The following PLEK variants were observed in gnomAD, a reference collection of about 807,000 sequenced individuals.
The protein encoded by PLEK is platelet 47 kDa protein.
Under a neutral mutation model 43.9 loss-of-function variants are expected in PLEK, and 25 were observed. The observed-to-expected ratio is 0.57, with a 90% CI of 0.41 to 0.79. PLEK has a LOEUF of 0.79. Ranked by LOEUF, PLEK falls within the 30% of genes least tolerant of loss-of-function variation. PLEK has a pLI of 0.00. For synonymous variants in PLEK, 152 were observed against 144.4 expected, an observed-to-expected ratio of 1.05 and a Z score of -0.38; for missense variants, 396 against 413.3, an observed-to-expected ratio of 0.96 and a Z score of 0.36.
At chr2:68,375,769 T>C (rs1374400521) in intron 1 of PLEK, among the ~76,000 whole-genome samples, 3 of 152,204 alleles carry the variant, frequency 2.0e-5, no homozygotes, top group Admixed American at 6.5e-5. Context: ...TTTGTGGTAG[T>C]CATGACAGGG....
chr2:68,365,912 T>A (rs973557972), intron 1 of PLEK, among the ~76,000 whole-genome samples: 4 of 152,236 alleles, frequency 2.6e-5, no homozygotes, highest in Admixed American at 6.5e-5. Flanking sequence ...TATCTTTTTT[T>A]AATTGGGCTG....
At chr2:68,366,873 AC>A (rs1402544572) in intron 1 of PLEK, among the ~76,000 whole-genome samples, 1 of 152,196 alleles carries the variant, frequency 6.6e-6, no homozygotes, top group East Asian at 1.9e-4. Context: ...GTTTTTTTAA[AC>A]AATTAAAAAC....
At chr2:68,392,613 C>T (rs921009981) in intron 6 of PLEK, among the ~76,000 whole-genome samples, 2 of 152,178 alleles carry the variant, frequency 1.3e-5, no homozygotes, top group African/African-American at 4.8e-5. Flanking sequence ...CACTTCTGCT[C>T]TTGTGTTGTC....
At chr2:68,383,114 G>A (rs1673663833) in intron 4 of PLEK, among the ~76,000 whole-genome samples, 2 of 152,154 alleles carry the variant, frequency 1.3e-5, no homozygotes, top group Admixed American at 6.5e-5. Context: ...GACCACCTTG[G>A]TTCAAATTCT....
At position 68,395,732 on chromosome 2, in the gene PLEK, G is replaced by T; in HGVS notation, c.969G>T (p.Val323=). 4 of 1,613,892 alleles carry T rather than the reference G, an allele frequency of 2.5e-6. No homozygotes were observed. In the South Asian group the frequency reaches 4.4e-5, roughly 18 times the overall value. ...NLFEIITADE[V]HYFLQAATPK... is the part of the protein sequence containing the mutation. Reference sequence around the variant, plus strand: ...TTGAGATCATCACAGCAGATGAAGTGCACTATTTCTTGCAAGCAGCCACCC... The same window carrying T: ...TTGAGATCATCACAGCAGATGAAGTTCACTATTTCTTGCAAGCAGCCACCC... The change falls in exon 9 of 9, where the codon GTG becomes GTT. Residue 323 remains valine, a synonymous_variant. Coordinates refer to ENST00000234313, the MANE Select transcript of PLEK (RefSeq NM_002664.3).
chr2:68,376,759 T>C (rs576588960), intron 1 of PLEK, among the ~76,000 whole-genome samples: 1 of 152,214 alleles, frequency 6.6e-6, no homozygotes, highest in Non-Finnish European at 1.5e-5. Flanking sequence ...ATTTATCCTT[T>C]GTGTTACAAA....
chr2:68,394,618 C>T (rs1673930078), intron 8 of PLEK, among the ~76,000 whole-genome samples: 1 of 152,156 alleles, frequency 6.6e-6, no homozygotes, highest in Admixed American at 6.5e-5. Flanking sequence ...GCTGTCCAGG[C>T]TCTCCAGGCC....
intron 6 of PLEK, among the ~76,000 whole-genome samples, chr2:68,392,209 T>A: frequency 7.2e-6 from 1 of 139,462 alleles, no homozygotes; most frequent in African/African-American, 3.2e-5. Flanking sequence ...CCTCCTCCTC[T>A]TCCGCCTCTT....
intron 8 of PLEK, among the ~76,000 whole-genome samples, chr2:68,395,454 T>A (rs900088798): frequency 2.0e-5 from 3 of 152,050 alleles, no homozygotes; most frequent in African/African-American, 7.2e-5. Flanking sequence ...TTCTTAAAAA[T>A]ATATATATAC....
chr2:68,380,138 C>T (rs930785684), intron 1 of PLEK, among the ~76,000 whole-genome samples, 190 bp from the exon 2 acceptor site: 3 of 151,990 alleles, frequency 2.0e-5, no homozygotes, highest in South Asian at 2.1e-4. Context: ...AGCAAAGAGC[C>T]GGGAGTAGAA....
intron 3 of PLEK, among the ~76,000 whole-genome samples, chr2:68,381,655 G>T (rs935188027): frequency 2.0e-5 from 3 of 152,184 alleles, no homozygotes; most frequent in Non-Finnish European, 4.4e-5. Context: ...TTTATGGAGG[G>T]TGGGGTGGGG....
intron 1 of PLEK, among the ~76,000 whole-genome samples, chr2:68,366,084 AGT>A (rs1177586728): frequency 6.6e-6 from 1 of 152,094 alleles, no homozygotes; most frequent in Non-Finnish European, 1.5e-5. Flanking sequence ...TCGGATGCTG[AGT>A]GTGTGCTGTG....
chr2:68,381,051 A>C, intron 3 of PLEK, 147 bp downstream of exon 3: 1 of 716,080 alleles, frequency 1.4e-6, no homozygotes, highest in Middle Eastern at 3.1e-4. Context: ...TAAAATGTTT[A>C]CCTGGGTCTG....
chr2:68,384,255 C>T (rs1258569062), intron 4 of PLEK, among the ~76,000 whole-genome samples: 1 of 151,690 alleles, frequency 6.6e-6, no homozygotes, highest in Non-Finnish European at 1.5e-5. Flanking sequence ...TCTTCCTCTT[C>T]TTTTTATTTG....
chr2:68,378,090 T>A (rs1370720442), intron 1 of PLEK, among the ~76,000 whole-genome samples: 2 of 152,234 alleles, frequency 1.3e-5, no homozygotes, highest in African/African-American at 4.8e-5. Context: ...AATGTATATG[T>A]ACATTATTCA....
chr2:68,378,438 A>G (rs1673548455), intron 1 of PLEK, among the ~76,000 whole-genome samples: 1 of 152,230 alleles, frequency 6.6e-6, no homozygotes, highest in African/African-American at 2.4e-5. Flanking sequence ...TTATTCCACC[A>G]GAAGAGAAAC....
intron 4 of PLEK, among the ~76,000 whole-genome samples, chr2:68,383,774 A>G (rs535049327): frequency 1.3e-5 from 2 of 152,202 alleles, no homozygotes; most frequent in South Asian, 2.1e-4. Flanking sequence ...GTGGAATCTA[A>G]GAGGATGTGC....
chr2:68,390,862 T>C (rs1573081150), intron 6 of PLEK, among the ~76,000 whole-genome samples: 1 of 152,338 alleles, frequency 6.6e-6, no homozygotes, highest in East Asian at 1.9e-4. Flanking sequence ...TGAGGATGAA[T>C]GATCTTAGAT....
At chr2:68,367,049 A>C (rs1192521568) in intron 1 of PLEK, among the ~76,000 whole-genome samples, 1 of 152,210 alleles carries the variant, frequency 6.6e-6, no homozygotes, top group Non-Finnish European at 1.5e-5. Flanking sequence ...ATTAATAAAT[A>C]GTTTTTAATT....
Sources: allele counts gnomAD v4.1 joint callset (sites outside exome capture counted in the v4.1 genomes callset), GRCh38; gene constraint gnomAD v4.1.1; transcripts MANE v1.5; gene names NCBI Gene and HGNC (gene_info 2026-07-23, HGNC 2026-07-21).